PTPRG: variants seen among roughly 807,000 people sequenced by gnomAD.
PTPRG encodes receptor-type tyrosine-protein phosphatase gamma.
Under a neutral mutation model 165.3 loss-of-function variants are expected in PTPRG, and 102 were observed. The observed-to-expected ratio is 0.62, with a 90% confidence interval of 0.53 to 0.73. PTPRG has a LOEUF of 0.73. Among genes scored for constraint, PTPRG ranks in the 30% least tolerant of loss-of-function variants. PTPRG has a pLI of 0.00. For synonymous variants in PTPRG, 675 were observed against 669.5 expected, an observed-to-expected ratio of 1.01 and a Z score of -0.13; for missense variants, 1,866 against 1,861.4, an observed-to-expected ratio of 1.00 and a Z score of -0.05.
Position 62,170,936 on chromosome 3 carries a change from C to T in PTPRG, c.1033+2773C>T, listed in dbSNP as rs1325531867. On this transcript the variant is annotated intron_variant, in intron 8 of 29. Coordinates refer to ENST00000474889, the MANE Select transcript of PTPRG (RefSeq NM_002841.4). ...ATCTCAGGACTCCCCCATCATCCCC[C>T]TTCCTAATCACTCTGTGTTCCCAAG... Among the ~76,000 whole-genome samples, 3 of 152,198 alleles carry T rather than the reference C, an allele frequency of 2.0e-5. No homozygotes were observed. The East Asian group carries it at 5.8e-4, about 29-fold the overall frequency.
At chr3:62,014,606 G>A (rs1209636072) in intron 4 of PTPRG, among the ~76,000 whole-genome samples, 1 of 152,134 alleles carries the variant, frequency 6.6e-6, no homozygotes, top group African/African-American at 2.4e-5. Flanking sequence ...CTGAGTTCAT[G>A]CCTCTGTGTT....
intron 1 of PTPRG, among the ~76,000 whole-genome samples, chr3:61,636,115 A>G (rs1252010318): frequency 6.6e-6 from 1 of 152,178 alleles, no homozygotes; most frequent in Non-Finnish European, 1.5e-5. Context: ...CGTCTAAAGT[A>G]CTGTATATTG....
At chr3:61,912,661 T>A (rs1279117207) in intron 2 of PTPRG, among the ~76,000 whole-genome samples, 1 of 152,222 alleles carries the variant, frequency 6.6e-6, no homozygotes. Context: ...TCTGCATAGT[T>A]TTGATATTTA....
intron 4 of PTPRG, among the ~76,000 whole-genome samples, chr3:62,058,693 A>G (rs1700710846): frequency 2.0e-5 from 3 of 152,086 alleles, no homozygotes; most frequent in South Asian, 4.2e-4. Context: ...AGCATGACCC[A>G]AGTAGGCAGT....
intron 2 of PTPRG, among the ~76,000 whole-genome samples, chr3:61,854,482 TTTTG>T (rs552297142): frequency 2.9e-4 from 44 of 152,286 alleles, no homozygotes; most frequent in East Asian, 7.7e-4. Flanking sequence ...ATGTACCCCA[TTTTG>T]TTTGTTCTCC....
At chr3:61,572,011 C>T (rs1258790275) in intron 1 of PTPRG, among the ~76,000 whole-genome samples, 4 of 152,158 alleles carry the variant, frequency 2.6e-5, no homozygotes, top group African/African-American at 9.7e-5. Flanking sequence ...TGATTCCAGG[C>T]TAGGCAGTTT....
At chr3:62,081,256 C>CAAA (rs748197071) in intron 5 of PTPRG, among the ~76,000 whole-genome samples, 11 of 85,480 alleles carry the variant, frequency 1.3e-4, no homozygotes, top group East Asian at 8.0e-4. Context: ...GACTCCGTCT[C>CAAA]AAAACAAACA....
At chr3:61,779,792 C>T (rs1490377189) in intron 2 of PTPRG, among the ~76,000 whole-genome samples, 17 of 152,134 alleles carry the variant, frequency 1.1e-4, no homozygotes. Flanking sequence ...TGCATGCTGA[C>T]CTGCTGTCCT....
At chr3:62,236,570 TATTC>T (rs1701038588) in intron 14 of PTPRG, among the ~76,000 whole-genome samples, 1 of 152,194 alleles carries the variant, frequency 6.6e-6, no homozygotes, top group African/African-American at 2.4e-5. Context: ...GTATAATTAA[TATTC>T]AGCAGCAGCT....
intron 1 of PTPRG, among the ~76,000 whole-genome samples, chr3:61,569,633 T>G (rs1277496414): frequency 1.3e-5 from 2 of 152,232 alleles, no homozygotes; most frequent in African/African-American, 4.8e-5. Flanking sequence ...TTTTTAAGTG[T>G]TCTTAAGAGA....
At chr3:62,241,423 T>C (rs1701158345) in intron 14 of PTPRG, among the ~76,000 whole-genome samples, 1 of 152,208 alleles carries the variant, frequency 6.6e-6, no homozygotes, top group African/African-American at 2.4e-5. Flanking sequence ...TGCGGAGCTT[T>C]GTCCCCCAGG....
At chr3:62,144,634 CAGGA>C (rs1704052940) in intron 6 of PTPRG, among the ~76,000 whole-genome samples, 1 of 152,080 alleles carries the variant, frequency 6.6e-6, no homozygotes, top group South Asian at 2.1e-4. Flanking sequence ...ATTAAGGATC[CAGGA>C]AGGACTGATG....
chr3:61,767,856 A>G (rs1183338746), intron 2 of PTPRG, among the ~76,000 whole-genome samples: 1 of 151,634 alleles, frequency 6.6e-6, no homozygotes, highest in Non-Finnish European at 1.5e-5. Flanking sequence ...TGTAGTTCCA[A>G]CTACTGTGGA....
chr3:61,624,407 A>G (rs536878157), intron 1 of PTPRG, among the ~76,000 whole-genome samples: 12 of 152,188 alleles, frequency 7.9e-5, no homozygotes, highest in Non-Finnish European at 1.6e-4. Flanking sequence ...TTGGGCTTCC[A>G]GGAACACTGG....
At chr3:61,772,104 G>C (rs1249808898) in intron 2 of PTPRG, among the ~76,000 whole-genome samples, 1 of 141,288 alleles carries the variant, frequency 7.1e-6, no homozygotes, top group South Asian at 2.5e-4. Context: ...ATATTGTGAT[G>C]ATCTCTGAAT....
chr3:61,839,079 T>G (rs1231627481), intron 2 of PTPRG, among the ~76,000 whole-genome samples: 1 of 152,186 alleles, frequency 6.6e-6, no homozygotes, highest in Non-Finnish European at 1.5e-5. Flanking sequence ...TTTAATATTG[T>G]AAGCAAATCT....
intron 1 of PTPRG, among the ~76,000 whole-genome samples, chr3:61,623,780 T>C (rs780432015): frequency 6.6e-6 from 1 of 152,136 alleles, no homozygotes; most frequent in Non-Finnish European, 1.5e-5. Context: ...TTTGTAGAAG[T>C]CACATACAGG....
intron 10 of PTPRG, among the ~76,000 whole-genome samples, chr3:62,198,309 A>C (rs2106826232): frequency 6.6e-6 from 1 of 152,330 alleles, no homozygotes; most frequent in South Asian, 2.1e-4. Flanking sequence ...GCTTGGGTGC[A>C]GGTGACTTCA....
At chr3:61,997,647 C>G (rs1240823297) in intron 3 of PTPRG, among the ~76,000 whole-genome samples, 1 of 152,194 alleles carries the variant, frequency 6.6e-6, no homozygotes, top group East Asian at 1.9e-4. Context: ...CTTCTGTTGT[C>G]TGTTTAGTTC....
Sources: gnomAD v4.1 joint callset for allele counts (sites outside exome capture counted in the v4.1 genomes callset) on GRCh38, gnomAD v4.1.1 for gene constraint, MANE v1.5 for transcripts, NCBI Gene and HGNC (gene_info 2026-07-23, HGNC 2026-07-21) for gene names.